The following ZNF423 variants were observed in gnomAD, a reference collection of about 807,000 sequenced individuals.
ZNF423 encodes the protein Ebf-associated zinc finger protein.
ZNF423 carries 12 observed loss-of-function variants against 95.8 expected under a neutral mutation model. The ratio of observed to expected loss-of-function variants is 0.13; its 90% CI spans 0.08 to 0.20. The LOEUF (loss-of-function observed/expected upper bound fraction) is 0.20. ZNF423 is among the 10% of genes least tolerant of loss of function. ZNF423 has a pLI of 1.00. For missense variants in ZNF423, 1,316 were observed against 1,737.1 expected, an observed-to-expected ratio of 0.76 and a Z score of 4.31; for synonymous variants, 749 against 711.9, an observed-to-expected ratio of 1.05 and a Z score of -0.83.
At chr16:49,532,100 G>A (rs1968867726) in intron 5 of ZNF423, among the ~76,000 whole-genome samples, 1 of 152,220 alleles carries the variant, frequency 6.6e-6, no homozygotes, top group South Asian at 2.1e-4. Flanking sequence ...TTAAAAGGCA[G>A]GAAGTTTTCT....
At chr16:49,803,941 T>TC (rs1408240609) in intron 1 of ZNF423, among the ~76,000 whole-genome samples, 1 of 145,918 alleles carries the variant, frequency 6.9e-6, no homozygotes, top group Non-Finnish European at 1.5e-5. Flanking sequence ...TTCTTTTTTT[T>TC]TTTTTTTTTT....
intron 3 of ZNF423, among the ~76,000 whole-genome samples, chr16:49,662,798 G>A (rs371894039): frequency 1.3e-5 from 2 of 152,314 alleles, no homozygotes; most frequent in Admixed American, 6.5e-5. Flanking sequence ...CCCAGGCAGG[G>A]ATCTAGCAGG....
chr16:49,821,343 C>G (rs1251910806), intron 1 of ZNF423, among the ~76,000 whole-genome samples: 2 of 152,094 alleles, frequency 1.3e-5, no homozygotes, highest in Non-Finnish European at 2.9e-5. Flanking sequence ...AGAAGAGAAC[C>G]AGAGCTGGGG....
chr16:49,597,570 T>G (rs760356842), intron 5 of ZNF423, among the ~76,000 whole-genome samples: 1 of 152,180 alleles, frequency 6.6e-6, no homozygotes, highest in Non-Finnish European at 1.5e-5. Flanking sequence ...GAAATTGCAC[T>G]TGTGGCTCGA....
intron 3 of ZNF423, among the ~76,000 whole-genome samples, chr16:49,702,756 C>T (rs1186110101): frequency 6.6e-6 from 1 of 152,232 alleles, no homozygotes; most frequent in Non-Finnish European, 1.5e-5. Flanking sequence ...TATTCATGGC[C>T]TGGTGGGCCA....
intron 2 of ZNF423, among the ~76,000 whole-genome samples, chr16:49,739,276 T>C (rs1416370622): frequency 6.6e-6 from 1 of 152,188 alleles, no homozygotes; most frequent in East Asian, 1.9e-4. Flanking sequence ...TGGGTTATGA[T>C]TCAAACCAAC....
At chr16:49,744,705 C>T (rs1254966483) in intron 2 of ZNF423, among the ~76,000 whole-genome samples, 2 of 152,188 alleles carry the variant, frequency 1.3e-5, no homozygotes, top group African/African-American at 2.4e-5. Flanking sequence ...GGATTAGCCA[C>T]AGGCCAAAGG....
chr16:49,753,956 G>A (rs1253498378), intron 2 of ZNF423, among the ~76,000 whole-genome samples: 7 of 151,878 alleles, frequency 4.6e-5, no homozygotes, highest in East Asian at 3.9e-4. Flanking sequence ...ACTTGAACAC[G>A]GGAGGAGAAG....
intron 5 of ZNF423, among the ~76,000 whole-genome samples, chr16:49,617,487 C>G (rs1470079941): frequency 6.6e-6 from 1 of 152,220 alleles, no homozygotes; most frequent in African/African-American, 2.4e-5. Context: ...TGTGACATGA[C>G]AGCAAGAAGA....
chr16:49,626,715 C>T (rs1298219377), intron 4 of ZNF423, among the ~76,000 whole-genome samples: 3 of 151,624 alleles, frequency 2.0e-5, no homozygotes, highest in Non-Finnish European at 4.4e-5. Context: ...CTCCATCTAC[C>T]CATCCATCCA....
At chr16:49,658,334 G>A (rs1020191063) in intron 3 of ZNF423, among the ~76,000 whole-genome samples, 4 of 152,156 alleles carry the variant, frequency 2.6e-5, no homozygotes, top group African/African-American at 9.7e-5. Flanking sequence ...GCTGCAAGGA[G>A]CCCGGGGCCT....
intron 1 of ZNF423, among the ~76,000 whole-genome samples, chr16:49,846,299 CAAA>C (rs11338195): frequency 3.9e-5 from 3 of 76,356 alleles, no homozygotes; most frequent in Admixed American, 1.5e-4. Context: ...GACTCTGTCT[CAAA>C]AAAAAAAAAA....
chr16:49,793,241 G>C (rs1363052837), intron 1 of ZNF423, among the ~76,000 whole-genome samples: 2 of 152,132 alleles, frequency 1.3e-5, no homozygotes, highest in Non-Finnish European at 2.9e-5. Context: ...CACAGAGGAA[G>C]GAGGGCCCGT....
chr16:49,841,521 G>T (rs1213020171), intron 1 of ZNF423, among the ~76,000 whole-genome samples: 1 of 152,164 alleles, frequency 6.6e-6, no homozygotes, highest in Non-Finnish European at 1.5e-5. Context: ...TATACAAGGG[G>T]TGCCCATTAG....
chr16:49,708,571 T>C (rs1031624663), intron 3 of ZNF423, among the ~76,000 whole-genome samples: 3 of 152,178 alleles, frequency 2.0e-5, no homozygotes, highest in Non-Finnish European at 4.4e-5. Context: ...ATTACAGGCA[T>C]GAGCCACCAT....
chr16:49,689,383 T>C lies in ZNF423; in HGVS notation c.301+41388A>G, dbSNP rs150530243. ...TGAGTCAGGAGGATCGCTTGAGGGG[T>C]CAAGGTTGCAGTGGGCTATGATGGC... On this transcript the variant is annotated intron_variant, in intron 3 of 7. Transcript: ENST00000563137. 2.4e-3 allele frequency among the ~76,000 whole-genome samples: 362 copies of C among 151,190 alleles called. 2 individuals carry two copies. The highest frequency in any genetic ancestry group is 8.4e-3 in the African/African-American group (345 of 41,126).
At chr16:49,854,514 A>C in intron 1 of ZNF423, 1 of 985,468 alleles carries the variant, frequency 1.0e-6, no homozygotes, top group Non-Finnish European at 1.2e-6. Context: ...CTCAGGCCAG[A>C]GGTCATCAGG....
intron 2 of ZNF423, among the ~76,000 whole-genome samples, chr16:49,758,521 C>T (rs1050846630): frequency 3.9e-5 from 6 of 152,124 alleles, no homozygotes; most frequent in South Asian, 2.1e-4. Context: ...TAGGGAGAAT[C>T]GCTTGAAGCC....
intron 7 of ZNF423, among the ~76,000 whole-genome samples, chr16:49,517,603 C>G (rs1968201645): frequency 6.6e-6 from 1 of 152,098 alleles, no homozygotes; most frequent in African/African-American, 2.4e-5. Flanking sequence ...TTCTTTTTCT[C>G]TTGCTTTCAA....
Sources: gnomAD v4.1 joint callset for allele counts (sites outside exome capture counted in the v4.1 genomes callset) on GRCh38, gnomAD v4.1.1 for gene constraint, MANE v1.5 for transcripts, NCBI Gene and HGNC (gene_info 2026-07-23, HGNC 2026-07-21) for gene names.